The following MYBPC2 variants were observed in gnomAD, a reference collection of about 807,000 sequenced individuals.
The protein encoded by MYBPC2 is myosin-binding protein C, fast-type.
MYBPC2 carries 122 observed loss-of-function variants against 137.0 expected under a neutral mutation model. The observed-to-expected ratio is 0.89, with a 90% CI of 0.77 to 1.03. The LOEUF (loss-of-function observed/expected upper bound fraction) is 1.03, where lower values mean the gene tolerates loss of function less well. MYBPC2 is among the 50% of genes least tolerant of loss of function. MYBPC2 has a pLI of 0.00. For synonymous variants in MYBPC2, 626 were observed against 612.3 expected (o/e 1.02, Z -0.33); for missense variants, 1,500 against 1,534.4 (o/e 0.98, Z 0.37).
At chr19:50,439,283 A>C (rs1198190293) in intron 7 of MYBPC2, among the ~76,000 whole-genome samples, 2 of 137,014 alleles carry the variant, frequency 1.5e-5, no homozygotes, top group Admixed American at 7.7e-5. Flanking sequence ...CCATCCACCC[A>C]CCCACCTGTC....
chr19:50,450,695 C>T lies in MYBPC2; in HGVS notation c.1473-134C>T, dbSNP rs563133698. The T allele has an allele frequency of 4.7e-6, 3 of 633,086 alleles. No individual in the cohort carries two copies. The African/African-American group carries it at 5.5e-5, about 12-fold the overall frequency. The allele number at this position is 633,086 out of a possible 1,614,324, so 39.2% of individuals were successfully genotyped here. On this transcript the variant is annotated intron_variant, in intron 13 of 27. Transcript: ENST00000357701. ...CATAGCTACCGATTTGAAAATAGACCACAGCGTTCCAAAGCCCTGGATAAG... is the reference window on the plus strand; with the variant it reads ...CATAGCTACCGATTTGAAAATAGACTACAGCGTTCCAAAGCCCTGGATAAG...
intron 7 of MYBPC2, among the ~76,000 whole-genome samples, chr19:50,440,441 A>T (rs987387441): frequency 3.9e-5 from 6 of 151,902 alleles, no homozygotes; most frequent in Non-Finnish European, 5.9e-5. Context: ...AGGCGGGTGG[A>T]TCACTTAAGG....
At chr19:50,456,291 A>G (rs1231390801) in intron 20 of MYBPC2, among the ~76,000 whole-genome samples, 1 of 122,016 alleles carries the variant, frequency 8.2e-6, no homozygotes, top group African/African-American at 3.1e-5. Flanking sequence ...CCACCTGTCC[A>G]TCATCCATCC....
chr19:50,448,218 T>C lies in MYBPC2; in HGVS notation c.1307-7T>C. The C allele has an allele frequency of 6.2e-7, 1 of 1,612,430 alleles. No individual in the cohort carries two copies. Among genetic ancestry groups the C allele is most frequent in the Non-Finnish European group, 8.5e-7 (1 of 1,179,006 alleles). On this transcript the variant is annotated splice_region_variant and splice_polypyrimidine_tract_variant and intron_variant, in intron 12 of 27. Coordinates refer to ENST00000357701, the MANE Select transcript of MYBPC2 (RefSeq NM_004533.4). ...TGACGGCTCCTTGTCTTTCTCTCCC[T>C]GACCAGAGAAACAGCTGGAGGTCCT...
Position 50,454,080 on chromosome 19 carries a change from GTGAT to G in MYBPC2, c.1814_1817del (p.Ile605ArgfsTer31), listed in dbSNP as rs2039884995. On this transcript the variant is annotated frameshift_variant, in exon 17 of 28. Coordinates refer to ENST00000357701, the MANE Select transcript of MYBPC2 (RefSeq NM_004533.4). LOFTEE classifies it high-confidence loss of function. ...GAAGCGGGTGGACTGCAGCAGCTTT[GTGAT>G]TGAGAGTGCGCAGCGGGAAGACGAG... The G allele has an allele frequency of 6.2e-7, 1 of 1,611,376 alleles. No homozygotes were observed. Among genetic ancestry groups the G allele is most frequent in the South Asian group, 1.1e-5 (1 of 90,514 alleles).
intron 12 of MYBPC2, among the ~76,000 whole-genome samples, chr19:50,447,305 G>A (rs1402030348): frequency 1.3e-5 from 2 of 152,082 alleles, no homozygotes; most frequent in Non-Finnish European, 2.9e-5. Context: ...GAGCACACGG[G>A]ACTCTATGTG....
At chr19:50,438,813 C>T (rs1283462046) in intron 7 of MYBPC2, among the ~76,000 whole-genome samples, 1 of 152,016 alleles carries the variant, frequency 6.6e-6, no homozygotes, top group African/African-American at 2.4e-5. Context: ...CTGCAGTGAG[C>T]CATGATCGCG....
Position 50,437,665 on chromosome 19 carries a change from AAAG to A in MYBPC2, c.523_525del (p.Lys175del). ...GCCCTCTCAATGGCCACAGGAGTGA[AAAG>A]AAGTCGGATACTGCAGGTGAGCTGG... On this transcript the variant is annotated inframe_deletion, in exon 7 of 28. Coordinates refer to ENST00000357701, the MANE Select transcript of MYBPC2 (RefSeq NM_004533.4). 6.2e-6 allele frequency: 10 copies of A among 1,604,528 alleles called. No homozygotes were observed. The highest frequency in any genetic ancestry group is 8.5e-6 in the Non-Finnish European group (10 of 1,175,454).
chr19:50,440,751 C>T (rs539470837), intron 7 of MYBPC2, 129 bp from the exon 8 acceptor site: 243 of 892,650 alleles, frequency 2.7e-4, no homozygotes, highest in Non-Finnish European at 3.4e-4. Context: ...ATGGACCAGG[C>T]GGGAAACAAT....
rs546012970 is a variant in MYBPC2, at chr19:50,441,038, G to A, written c.731G>A (p.Arg244Gln). 8.3e-5 allele frequency: 133 copies of A among 1,605,174 alleles called. No homozygotes were observed. Among genetic ancestry groups the A allele is most frequent in the Non-Finnish European group, 1.4e-5 (17 of 1,176,058 alleles). ...ACCGACCTCCGGGGCATGCTGAAGC[G>A]GCTGAAAAAGGCTAAGGTCGAGGTC... ...GITDLRGMLK[R>Q]LKKAKVEVKK... Residue 244 changes from arginine (R) to glutamine (Q), a missense_variant, in exon 8 of 28, where the codon CGG (arginine) becomes CAG (glutamine). Arg to Gln is a conservative substitution (Grantham distance 43). Transcript: ENST00000357701.
At position 50,433,070 on chromosome 19, in the gene MYBPC2, C is replaced by A. The variant is rs998054849; in HGVS notation, c.19+98C>A. 5.7e-5 allele frequency: 80 copies of A among 1,411,944 alleles called. No individual in the cohort carries two copies. The African/African-American group carries it at 7.8e-4, about 14-fold the overall frequency. The allele number at this position is 1,411,944 out of a possible 1,614,324, so 87.5% of individuals were successfully genotyped here. On this transcript the variant is annotated intron_variant, in intron 1 of 27. Coordinates refer to ENST00000357701, the MANE Select transcript of MYBPC2 (RefSeq NM_004533.4). The stretch of plus-strand genomic sequence containing the variant: ...TTTGTAGGGTTGGGAGAAGGAGGAA[C>A]CTTCGCTGTGTGAGGAGGAGGCTCC...
At chr19:50,459,367 GAGGAGGTAAGAGATGAGGGGTGGGGA>G in intron 23 of MYBPC2, 61 bp downstream of exon 23, 5 of 1,315,340 alleles carry the variant, frequency 3.8e-6, no homozygotes, top group South Asian at 1.3e-5. Flanking sequence ...AGCGATGGGG[GAGGAGGTAAGAGATGAGGGGTGGGGA>G]AGGAGGTGGG....
rs758562667 is a variant in MYBPC2 at position 50,458,633 on chromosome 19, C to A, written c.2385C>A (p.Gly795=). The change falls in exon 21 of 28, where the codon GGC becomes GGA. Residue 795 remains glycine (G), a synonymous_variant. Coordinates refer to ENST00000357701, the MANE Select transcript of MYBPC2 (RefSeq NM_004533.4). The part of the protein sequence containing the change: ...PANTEPVERC[G]FTVKNLPTGA... ...ACACCGAGCCCGTGGAGCGCTGTGG[C>A]TTCACCGTCAAGAATCTCCCGACCG... 1.9e-6 allele frequency: 3 copies of A among 1,612,924 alleles called. No individual in the cohort carries two copies. Among genetic ancestry groups the A allele is most frequent in the Non-Finnish European group, 2.5e-6 (3 of 1,179,886 alleles).
Position 50,455,168 on chromosome 19 carries a change from T to C in MYBPC2, c.2075T>C (p.Val692Ala). Residue 692 changes from valine to alanine, a missense_variant, in exon 19 of 28, where the codon GTC becomes GCC. Coordinates refer to ENST00000357701, the MANE Select transcript of MYBPC2 (RefSeq NM_004533.4). ...CGCTGGATGAAGCTGAACTTTGAGG[T>C]CTTCACAGAGACCACCTATGAGTCC... Reference protein sequence around the residue: ...SQRWMKLNFEVFTETTYESTK... With the variant: ...SQRWMKLNFEAFTETTYESTK... The C allele has an allele frequency of 6.2e-7, 1 of 1,613,714 alleles. No homozygotes were observed. The highest frequency in any genetic ancestry group is 8.5e-7 in the Non-Finnish European group (1 of 1,179,830).
intron 16 of MYBPC2, among the ~76,000 whole-genome samples, chr19:50,452,462 ATCTG>A (rs2039867940): frequency 1.4e-5 from 2 of 148,038 alleles, no homozygotes; most frequent in Middle Eastern, 3.4e-3. Context: ...CTATCTATGT[ATCTG>A]TGTATGTATG....
At position 50,459,012 on chromosome 19, in the gene MYBPC2, G is replaced by A. The variant is rs765180650; in HGVS notation, c.2595+6G>A. On this transcript the variant is annotated splice_donor_region_variant and intron_variant, in intron 22 of 27. Transcript: ENST00000357701. ...ACCTTGTCGTCCCCTTCCAGGTCAG[G>A]GGAGCGGGGTCACGGGCCGGGGGTC... is the stretch of plus-strand genomic sequence containing the variant. 1.2e-6 allele frequency: 2 copies of A among 1,607,340 alleles called. No individual in the cohort carries two copies. Among genetic ancestry groups the A allele is most frequent in the South Asian group, 2.2e-5 (2 of 89,958 alleles).
Position 50,438,916 on chromosome 19 carries a change from G to C in MYBPC2, c.572+1198G>C, listed in dbSNP as rs555246736. Among the ~76,000 whole-genome samples, 17 of 152,114 alleles carry C rather than the reference G, an allele frequency of 1.1e-4. 1 individual carries two copies. The South Asian group carries it at 3.5e-3, about 32-fold the overall frequency. Reference sequence around the variant, plus strand: ...ATCGGCAATCTCATATGCATTATCTGCTGGCCCACTTATCCATCTTCACTT... The same window carrying C: ...ATCGGCAATCTCATATGCATTATCTCCTGGCCCACTTATCCATCTTCACTT... On this transcript the variant is annotated intron_variant, in intron 7 of 27. Transcript: ENST00000357701.
At chr19:50,451,227 G>A in intron 14 of MYBPC2, 53 bp from the exon 15 acceptor site, 2 of 1,599,684 alleles carry the variant, frequency 1.3e-6, no homozygotes, top group South Asian at 1.1e-5. Flanking sequence ...TGAAGGTGGG[G>A]TGAGGGGCCT....
At chr19:50,456,732 G>A (rs768315927) in intron 20 of MYBPC2, among the ~76,000 whole-genome samples, 13 of 151,874 alleles carry the variant, frequency 8.6e-5, no homozygotes, top group South Asian at 6.2e-4. Context: ...CATCGCACCC[G>A]GCCCAGTATC....
Sources: allele counts gnomAD v4.1 joint callset (sites outside exome capture counted in the v4.1 genomes callset), GRCh38; gene constraint gnomAD v4.1.1; transcripts MANE v1.5; gene names NCBI Gene and HGNC (gene_info 2026-07-23, HGNC 2026-07-21).